Variants in SORL1 observed in about 807,000 individuals in gnomAD.
The protein encoded by SORL1 is sortilin related receptor 1.
Under a neutral mutation model 273.7 loss-of-function variants are expected in SORL1, and 127 were observed. That is an observed-to-expected ratio of 0.46 (90% CI 0.40 to 0.54). The LOEUF is 0.54. SORL1 is among the 20% of genes least tolerant of loss of function. SORL1 has a pLI of 0.00. For synonymous variants in SORL1, 1,031 were observed against 1,067.4 expected, an observed-to-expected ratio of 0.97 and a Z score of 0.66; for missense variants, 2,494 against 2,846.1, an observed-to-expected ratio of 0.88 and a Z score of 2.81.
In SORL1 at chr11:121,607,290, A is replaced by C; in HGVS notation, c.5166A>C (p.Arg1722Ser). Residue 1722 changes from arginine to serine, a missense_variant and splice_region_variant, in exon 37 of 48, where the codon AGA becomes AGC. Physicochemically the swap from Arg to Ser is moderately radical, Grantham distance 110. Around this residue, in one of 3 missense-constraint regions of SORL1, gnomAD observed 1,609 missense variants for 1,816.4 expected, o/e 0.89. Transcript: ENST00000260197. ...NLLVNTLYTVRVAAVTSRGIG... is the reference protein window; with the variant it reads ...NLLVNTLYTVSVAAVTSRGIG... ...TGGTCAACACTCTATACACCGTCAG[A>C]GTGAGTGTCGTCATCCATTCCAGCC... 1 of 1,545,210 alleles carries C rather than the reference A, an allele frequency of 6.5e-7. No individual in the cohort carries two copies. Among genetic ancestry groups the C allele is most frequent in the Non-Finnish European group, 8.9e-7 (1 of 1,117,768 alleles).
At chr11:121,599,154 G>A (rs1343080364) in intron 32 of SORL1, among the ~76,000 whole-genome samples, 4 of 152,148 alleles carry the variant, frequency 2.6e-5, no homozygotes, top group Admixed American at 1.3e-4. Flanking sequence ...CATGCCACTT[G>A]TTATCTGGAA....
rs957719225 is a variant in SORL1 at position 121,563,919 on chromosome 11, A to G, written c.3050-3021A>G. Among the ~76,000 whole-genome samples the G allele has an allele frequency of 2.6e-5, 4 of 152,172 alleles. No individual in the cohort carries two copies. Among genetic ancestry groups the G allele is most frequent in the African/African-American group, 9.7e-5 (4 of 41,446 alleles). On this transcript the variant is annotated intron_variant, in intron 21 of 47. Transcript: ENST00000260197. This position sits in a 1 kb window ranked among gnomAD's most constrained non-coding sequence, Gnocchi z 4.2. ...AGGGCACATATTTATTATTTGAGGT[A>G]GATTTGATTTTGATAATTGCCAAGT...
intron 28 of SORL1, 107 bp downstream of exon 28, chr11:121,588,258 T>C: frequency 7.4e-7 from 1 of 1,352,406 alleles, no homozygotes; most frequent in Non-Finnish European, 1.0e-6. Flanking sequence ...CAGGTCTTGG[T>C]TGAGTGTCGA....
rs755527454 is a variant in SORL1, at chr11:121,629,502, AT to A, written c.6585del (p.Asp2195GlufsTer7). The A allele has an allele frequency of 6.4e-7, 1 of 1,561,906 alleles. No individual in the cohort carries two copies. Among genetic ancestry groups the A allele is most frequent in the Non-Finnish European group, 8.8e-7 (1 of 1,132,240 alleles). The stretch of plus-strand genomic sequence containing the variant: ...CTGACTGTTTTGTCTCTAGGGGAAG[AT>A]GATGAAGATGCCCCTATGATAACTG... ...IFSSGDDLGE[D>X]DEDAPMITGF... On this transcript the variant is annotated frameshift_variant, in exon 48 of 48. Transcript: ENST00000260197. LOFTEE classifies it high-confidence loss of function.
intron 11 of SORL1, among the ~76,000 whole-genome samples, chr11:121,531,750 G>C (rs898073335): frequency 6.6e-6 from 1 of 152,176 alleles, no homozygotes; most frequent in Non-Finnish European, 1.5e-5. Context: ...TGCGACTTGC[G>C]TAAGTTCATA....
At chr11:121,586,099 G>A in intron 26 of SORL1, 123 bp from the exon 27 acceptor site, 1 of 715,674 alleles carries the variant, frequency 1.4e-6, no homozygotes, top group East Asian at 2.5e-5. Context: ...TTGTCATTTT[G>A]CTAGTTACAG....
rs1224892744 is a variant in SORL1, at chr11:121,555,324, T to C, written c.2571+6T>C. 6.2e-7 allele frequency: 1 copy of C among 1,613,118 alleles called. No individual in the cohort carries two copies. The highest frequency in any genetic ancestry group is 1.7e-5 in the Admixed American group (1 of 59,972). ...CAGGCTTCAAAAAGATTGAGGTATG[T>C]GTATTTTCGTGCTGTTCTTAATTAA... On this transcript the variant is annotated splice_donor_region_variant and intron_variant, in intron 18 of 47. Coordinates refer to ENST00000260197, the MANE Select transcript of SORL1 (RefSeq NM_003105.6).
intron 12 of SORL1, among the ~76,000 whole-genome samples, chr11:121,539,079 G>A (rs1862309404): frequency 1.3e-5 from 2 of 152,190 alleles, no homozygotes; most frequent in Admixed American, 6.5e-5. Flanking sequence ...GATGTGTTGA[G>A]CTCTGTGAGA....
intron 7 of SORL1, among the ~76,000 whole-genome samples, chr11:121,513,497 A>G (rs1253006219): frequency 2.0e-5 from 3 of 152,228 alleles, no homozygotes; most frequent in Admixed American, 1.3e-4. Context: ...CACCTTTTAG[A>G]AACAGGCTGG....
In SORL1 at chr11:121,629,401, G is replaced by A. The variant is rs1863842447; in HGVS notation, c.6578-95G>A. On this transcript the variant is annotated intron_variant, in intron 47 of 47. Transcript: ENST00000260197. ...TGGCATTGACCTTCTCAGCTAGAGG[G>A]TTGTGGTAGGGTTGAGGGGTGGGTA... The A allele has an allele frequency of 5.3e-6, 4 of 748,424 alleles. No homozygotes were observed. In the South Asian group the frequency reaches 5.8e-5, roughly 11 times the overall value. 46.4% of individuals were successfully genotyped at this position (748,424 alleles called of 1,614,324 possible).
chr11:121,531,222 T>G (rs1370811570), intron 11 of SORL1, among the ~76,000 whole-genome samples: 1 of 152,070 alleles, frequency 6.6e-6, no homozygotes, highest in East Asian at 1.9e-4. Flanking sequence ...GGTGAAACCC[T>G]GTCTGTACTA....
At chr11:121,532,610 G>C in intron 12 of SORL1, 58 bp downstream of exon 12, 1 of 1,403,402 alleles carries the variant, frequency 7.1e-7, no homozygotes, top group East Asian at 2.3e-5. Flanking sequence ...ATTTACGTCT[G>C]TGATTATAAT....
intron 32 of SORL1, among the ~76,000 whole-genome samples, chr11:121,602,679 G>A (rs966160816): frequency 5.9e-5 from 9 of 152,188 alleles, no homozygotes; most frequent in Admixed American, 1.3e-4. Context: ...GAAGTGGGGC[G>A]TATGAAGCTT....
At chr11:121,590,240 A>C in intron 30 of SORL1, 66 bp downstream of exon 30, 1 of 1,515,368 alleles carries the variant, frequency 6.6e-7, no homozygotes, top group Non-Finnish European at 9.0e-7. Flanking sequence ...TCCACCAGCT[A>C]TGCAGGATGT....
At chr11:121,619,565 C>T (rs529065829) in intron 42 of SORL1, among the ~76,000 whole-genome samples, 188 bp from the exon 43 acceptor site, 4 of 152,240 alleles carry the variant, frequency 2.6e-5, no homozygotes, top group Admixed American at 6.5e-5. Flanking sequence ...GAAGGAAGCA[C>T]AAAAACTCTT....
At chr11:121,577,658 A>G (rs1048161196) in intron 25 of SORL1, among the ~76,000 whole-genome samples, 1 of 152,234 alleles carries the variant, frequency 6.6e-6, no homozygotes, top group African/African-American at 2.4e-5. Flanking sequence ...CAAGCTTCTT[A>G]TTCATTCAGG....
Position 121,629,554 on chromosome 11 carries a change from G to C in SORL1, c.6636G>C (p.Val2212=). 6.5e-7 allele frequency: 1 copy of C among 1,536,488 alleles called. No homozygotes were observed. The highest frequency in any genetic ancestry group is 9.0e-7 in the Non-Finnish European group (1 of 1,109,048). Residue 2212 remains valine, a synonymous_variant, in exon 48 of 48, where the codon GTG becomes GTC. Coordinates refer to ENST00000260197, the MANE Select transcript of SORL1 (RefSeq NM_003105.6). The part of the protein sequence containing the change: ...ITGFSDDVPM[V]IA ...GATTTTCAGATGACGTCCCCATGGT[G>C]ATAGCCTGAAAGAGCTTTCCTCACT...
chr11:121,506,021 T>G (rs547895524), intron 6 of SORL1, among the ~76,000 whole-genome samples: 1 of 152,346 alleles, frequency 6.6e-6, no homozygotes, highest in Admixed American at 6.5e-5. Context: ...TGTTCTATAT[T>G]GAAGGTGGGA....
chr11:121,531,346 A>T (rs1862199406), intron 11 of SORL1, among the ~76,000 whole-genome samples: 1 of 152,208 alleles, frequency 6.6e-6, no homozygotes, highest in Non-Finnish European at 1.5e-5. Context: ...GTGAGCTGAG[A>T]TTGCACCACT....
Sources: allele counts gnomAD v4.1 joint callset (sites outside exome capture counted in the v4.1 genomes callset), GRCh38; gene constraint gnomAD v4.1.1; regional missense constraint gnomAD v4.1.1; non-coding constraint Gnocchi (gnomAD v3.1); transcripts MANE v1.5; gene names NCBI Gene and HGNC (gene_info 2026-07-23, HGNC 2026-07-21).